The following ADAMTSL3 variants were observed in gnomAD, a reference collection of about 807,000 sequenced individuals.
ADAMTSL3 encodes ADAMTS like 3.
A neutral mutation model predicts 201.7 loss-of-function variants in ADAMTSL3; 128 were observed. That is an observed-to-expected ratio of 0.63 (90% CI 0.55 to 0.73). The LOEUF (loss-of-function observed/expected upper bound fraction) is 0.73. ADAMTSL3 is among the 30% of genes least tolerant of loss of function. The probability of loss-of-function intolerance (pLI) is 0.00; values close to 1 mark genes in which losing one functional copy is unlikely to be tolerated. For synonymous variants in ADAMTSL3, 738 were observed against 748.4 expected (o/e 0.99, Z 0.23); for missense variants, 1,990 against 2,119.6 (o/e 0.94, Z 1.20).
intron 20 of ADAMTSL3, among the ~76,000 whole-genome samples, chr15:83,975,164 G>A (rs1219576136): frequency 6.6e-6 from 1 of 151,978 alleles, no homozygotes; most frequent in African/African-American, 2.4e-5. Context: ...ACCATGCCCG[G>A]CTAATTTTTT....
At chr15:83,705,988 T>C (rs1440846071) in intron 3 of ADAMTSL3, among the ~76,000 whole-genome samples, 1 of 152,220 alleles carries the variant, frequency 6.6e-6, no homozygotes, top group Non-Finnish European at 1.5e-5. Context: ...ATTTGCATTG[T>C]AGAGCCCAAA....
At chr15:83,886,960 A>C (rs1403640674) in intron 10 of ADAMTSL3, among the ~76,000 whole-genome samples, 1 of 152,212 alleles carries the variant, frequency 6.6e-6, no homozygotes, top group Non-Finnish European at 1.5e-5. Flanking sequence ...GAATCTCCCC[A>C]GTTCGCCAGC....
intron 3 of ADAMTSL3, among the ~76,000 whole-genome samples, chr15:83,714,313 GGGGCACA>G (rs1194402651): frequency 6.6e-6 from 1 of 152,156 alleles, no homozygotes; most frequent in Non-Finnish European, 1.5e-5. Flanking sequence ...AGGGCAAGTG[GGGGCACA>G]GGTGTGTAGC....
At chr15:83,820,121 C>A in intron 6 of ADAMTSL3, 74 bp downstream of exon 6, 2 of 1,328,212 alleles carry the variant, frequency 1.5e-6, no homozygotes, top group Admixed American at 3.4e-5. Context: ...GAACCCTTTT[C>A]TTCTGTATTT....
intron 28 of ADAMTSL3, 53 bp from the exon 29 acceptor site, chr15:84,036,720 A>C: frequency 6.9e-7 from 1 of 1,459,736 alleles, no homozygotes; most frequent in African/African-American, 1.4e-5. Flanking sequence ...AAAAAGTTAC[A>C]CCCTGCCTCT....
chr15:83,985,727 G>A (rs575485398), intron 21 of ADAMTSL3, among the ~76,000 whole-genome samples: 10 of 152,116 alleles, frequency 6.6e-5, no homozygotes, highest in South Asian at 2.1e-4. Context: ...CTGCCTCCTC[G>A]TTTCAAGTGA....
In ADAMTSL3 at chr15:83,702,751, G is replaced by A. The variant is rs151119413; in HGVS notation, c.70-1638G>A. On this transcript the variant is annotated intron_variant, in intron 2 of 29. Coordinates refer to ENST00000286744, the MANE Select transcript of ADAMTSL3 (RefSeq NM_207517.3). ...CCAGGCAAAAGTTTGCTGCAGGGGC[G>A]GGGCCCTCATGAAGAACCTGTGCAA... 7.0e-4 allele frequency among the ~76,000 whole-genome samples: 106 copies of A among 152,312 alleles called. 1 individual carries two copies. The East Asian group carries it at 0.014, about 20-fold the overall frequency.
chr15:83,919,310 G>A (rs539731528), intron 16 of ADAMTSL3, among the ~76,000 whole-genome samples: 1 of 152,140 alleles, frequency 6.6e-6, no homozygotes, highest in Non-Finnish European at 1.5e-5. Flanking sequence ...TCAACATTCA[G>A]TGTCTGGGTG....
intron 7 of ADAMTSL3, 63 bp downstream of exon 7, chr15:83,838,278 T>C: frequency 7.2e-6 from 11 of 1,530,428 alleles, no homozygotes; most frequent in Non-Finnish European, 5.3e-6. Context: ...TGTCTATTGC[T>C]AGAATAACAT....
At position 83,741,955 on chromosome 15, in the gene ADAMTSL3, C is replaced by G. The variant is rs143542614; in HGVS notation, c.190-31568C>G. Reference sequence around the variant, plus strand: ...TCAGCTTGGATGACAGGGTGAGACCCTGTCTCAAAATATGTATATATTCAA... The same window carrying G: ...TCAGCTTGGATGACAGGGTGAGACCGTGTCTCAAAATATGTATATATTCAA... On this transcript the variant is annotated intron_variant, in intron 3 of 29. Transcript: ENST00000286744. Among the ~76,000 whole-genome samples, 1,377 of 152,118 alleles carry G rather than the reference C, an allele frequency of 9.1e-3. 20 individuals carry two copies. Among genetic ancestry groups the G allele is most frequent in the African/African-American group, 0.031 (1,295 of 41,498 alleles).
intron 7 of ADAMTSL3, among the ~76,000 whole-genome samples, chr15:83,851,882 T>C (rs1949778444): frequency 6.6e-6 from 1 of 152,140 alleles, no homozygotes; most frequent in African/African-American, 2.4e-5. Context: ...GGAAAGTAAA[T>C]GTCACCCTCT....
intron 4 of ADAMTSL3, among the ~76,000 whole-genome samples, chr15:83,784,959 A>T (rs1040968723): frequency 5.9e-5 from 9 of 152,142 alleles, no homozygotes; most frequent in Non-Finnish European, 1.2e-4. Flanking sequence ...CTCATTGTCT[A>T]TCTTAATTGT....
intron 3 of ADAMTSL3, among the ~76,000 whole-genome samples, chr15:83,707,096 T>G (rs919908688): frequency 1.3e-5 from 2 of 152,164 alleles, no homozygotes; most frequent in Non-Finnish European, 2.9e-5. Flanking sequence ...TTAAGATCAA[T>G]TAAGAACAAA....
intron 6 of ADAMTSL3, among the ~76,000 whole-genome samples, chr15:83,832,943 A>T (rs748480985): frequency 2.0e-5 from 3 of 152,174 alleles, no homozygotes; most frequent in Non-Finnish European, 2.9e-5. Context: ...TTGATTTGTC[A>T]TTCATGTTTA....
intron 23 of ADAMTSL3, among the ~76,000 whole-genome samples, chr15:84,008,909 T>G (rs1596530917): frequency 6.6e-6 from 1 of 152,062 alleles, no homozygotes; most frequent in South Asian, 2.1e-4. Flanking sequence ...CTGGAGTCGG[T>G]TTTTACTCGC....
chr15:83,726,956 G>C (rs1435682183), intron 3 of ADAMTSL3, among the ~76,000 whole-genome samples: 1 of 151,712 alleles, frequency 6.6e-6, no homozygotes, highest in Non-Finnish European at 1.5e-5. Context: ...AGAATAGTTT[G>C]AGTAGGGTTA....
At chr15:84,013,624 A>C (rs903942786) in intron 23 of ADAMTSL3, among the ~76,000 whole-genome samples, 2 of 152,132 alleles carry the variant, frequency 1.3e-5, no homozygotes, top group African/African-American at 2.4e-5. Context: ...AATTACAAAA[A>C]TTAGCTGGGT....
Position 83,970,467 on chromosome 15 carries a change from C to G in ADAMTSL3, c.2491-17C>G. ...GCTCATGCTCCATTTGACTCTGTTG[C>G]ACAACTCTCATTTCAGTGTTCTGTC... is the stretch of plus-strand genomic sequence containing the variant. On this transcript the variant is annotated splice_polypyrimidine_tract_variant and intron_variant, in intron 19 of 29. Coordinates refer to ENST00000286744, the MANE Select transcript of ADAMTSL3 (RefSeq NM_207517.3). 1 of 1,613,924 alleles carries G rather than the reference C, an allele frequency of 6.2e-7. No homozygotes were observed. Among genetic ancestry groups the G allele is most frequent in the Non-Finnish European group, 8.5e-7 (1 of 1,179,916 alleles).
At chr15:83,834,518 TTGAC>T (rs1407326475) in intron 6 of ADAMTSL3, among the ~76,000 whole-genome samples, 7 of 152,248 alleles carry the variant, frequency 4.6e-5, no homozygotes, top group African/African-American at 1.2e-4. Flanking sequence ...ATGATTAAAT[TTGAC>T]TGCTCTGAAA....
Sources: allele counts gnomAD v4.1 joint callset (sites outside exome capture counted in the v4.1 genomes callset), GRCh38; gene constraint gnomAD v4.1.1; transcripts MANE v1.5; gene names NCBI Gene and HGNC (gene_info 2026-07-23, HGNC 2026-07-21).